The following HIBCH variants were observed in gnomAD, a reference collection of about 807,000 sequenced individuals.
The protein encoded by HIBCH is 3-hydroxyisobutyryl-CoA hydrolase, mitochondrial.
In HIBCH, 50 loss-of-function variants were observed where a neutral mutation model predicts 58.2. That is an observed-to-expected ratio of 0.86 (90% CI 0.68 to 1.09). The LOEUF (loss-of-function observed/expected upper bound fraction) is 1.09, where lower values mean the gene tolerates loss of function less well. Ranked by LOEUF, HIBCH falls within the 50% of genes least tolerant of loss-of-function variation. The pLI is 0.00. For missense variants in HIBCH, 450 were observed against 449.7 expected, an observed-to-expected ratio of 1.00 and a Z score of -0.01; for synonymous variants, 151 against 146.9, an observed-to-expected ratio of 1.03 and a Z score of -0.20.
intron 1 of HIBCH, among the ~76,000 whole-genome samples, chr2:190,191,743 A>G (rs372196694): frequency 9.2e-5 from 14 of 152,192 alleles, no homozygotes; most frequent in Admixed American, 1.3e-4. Flanking sequence ...TCATGTACTT[A>G]TATTTGCTAT....
chr2:190,297,069 A>G, intron 2 of HIBCH, 116 bp from the exon 3 acceptor site: 1 of 918,408 alleles, frequency 1.1e-6, no homozygotes, highest in Non-Finnish European at 1.7e-6. Context: ...TAAAGGAAAG[A>G]ATAACTAGGT....
At chr2:190,318,718 C>A (rs1688769417) in intron 1 of HIBCH, among the ~76,000 whole-genome samples, 1 of 152,180 alleles carries the variant, frequency 6.6e-6, no homozygotes, top group South Asian at 2.1e-4. Flanking sequence ...GCTGACAACA[C>A]TGAAAAAGCG....
At chr2:190,194,192 T>G (rs939101712) in intron 1 of HIBCH, among the ~76,000 whole-genome samples, 7 of 152,190 alleles carry the variant, frequency 4.6e-5, no homozygotes, top group Admixed American at 2.6e-4. Context: ...ATGTTCCATA[T>G]GCACTTGATA....
At chr2:190,287,046 G>GTA (rs1687847869) in intron 6 of HIBCH, among the ~76,000 whole-genome samples, 1 of 146,112 alleles carries the variant, frequency 6.8e-6, no homozygotes, top group East Asian at 1.9e-4. Context: ...GTGTGTGTGT[G>GTA]TGTGTGTGTG....
At chr2:190,199,701 A>G, downstream of HIBCH, 3 of 1,447,126 alleles carry the variant, frequency 2.1e-6, no homozygotes, top group South Asian at 4.5e-5. Context: ...TGACAGGTAA[A>G]CACTACACGT....
At chr2:190,193,284 G>A (rs990901314) in intron 1 of HIBCH, among the ~76,000 whole-genome samples, 2 of 151,672 alleles carry the variant, frequency 1.3e-5, no homozygotes, top group African/African-American at 4.8e-5. Flanking sequence ...TTGAATTTCT[G>A]GTATAAATCC....
intron 4 of HIBCH, among the ~76,000 whole-genome samples, chr2:190,294,037 T>TATA (rs1688039006): frequency 5.5e-5 from 8 of 146,612 alleles, no homozygotes; most frequent in Non-Finnish European, 1.0e-4. Flanking sequence ...TATATATATA[T>TATA]ATATATATAT....
intron 4 of HIBCH, 126 bp downstream of exon 4, chr2:190,294,420 G>T (rs1688050795): frequency 8.7e-6 from 6 of 689,910 alleles, no homozygotes; most frequent in South Asian, 8.6e-5. Flanking sequence ...TCCTAAGAAT[G>T]TATTAACTTT....
chr2:190,220,978 T>A (rs1217246663), intron 11 of HIBCH, among the ~76,000 whole-genome samples: 1 of 152,204 alleles, frequency 6.6e-6, no homozygotes, highest in Admixed American at 6.5e-5. Flanking sequence ...ACTTTCTATG[T>A]AACCTGGATT....
intron 4 of HIBCH, among the ~76,000 whole-genome samples, chr2:190,290,791 T>C (rs1451871015): frequency 6.6e-6 from 1 of 152,110 alleles, no homozygotes; most frequent in Admixed American, 6.5e-5. Flanking sequence ...AGAAACCAGG[T>C]GGGAGGATTC....
intron 6 of HIBCH, among the ~76,000 whole-genome samples, chr2:190,263,828 T>C (rs1321967939): frequency 1.3e-5 from 2 of 152,146 alleles, no homozygotes; most frequent in African/African-American, 4.8e-5. Flanking sequence ...CTATGAACTA[T>C]CCTGAGAGCT....
At chr2:190,193,292 T>C (rs1689804072) in intron 1 of HIBCH, among the ~76,000 whole-genome samples, 1 of 152,180 alleles carries the variant, frequency 6.6e-6, no homozygotes, top group South Asian at 2.1e-4. Flanking sequence ...CTGGTATAAA[T>C]CCACTCAGTC....
chr2:190,287,027 C>CATGTGTGTGTGT (rs1553504916), intron 6 of HIBCH, among the ~76,000 whole-genome samples: 1 of 142,114 alleles, frequency 7.0e-6, no homozygotes, highest in Non-Finnish European at 1.5e-5. Context: ...TAGCATATAA[C>CATGTGTGTGTGT]GTGTGTGTGT....
chr2:190,191,814 G>T (rs934985148), intron 1 of HIBCH, among the ~76,000 whole-genome samples: 3 of 152,058 alleles, frequency 2.0e-5, no homozygotes, highest in Non-Finnish European at 4.4e-5. Flanking sequence ...AAACTGGGTT[G>T]TTGTCTTGCT....
intron 11 of HIBCH, among the ~76,000 whole-genome samples, chr2:190,223,629 A>G (rs184861200): frequency 3.9e-5 from 6 of 152,360 alleles, no homozygotes; most frequent in Admixed American, 1.3e-4. Context: ...AAATTAATAT[A>G]ATTAGTTCTT....
Position 190,291,417 on chromosome 2 carries a change from T to C in HIBCH, c.305-932A>G, listed in dbSNP as rs145713390. Among the ~76,000 whole-genome samples, 642 of 152,208 alleles carry C rather than the reference T, an allele frequency of 4.2e-3. 2 individuals are homozygous for C. Among genetic ancestry groups the C allele is most frequent in the African/African-American group, 0.015 (610 of 41,494 alleles). ...CTAGAAGAGGTAACCCTAAGCCAAG[T>C]TGGAAAAGGTAAATAGGAATTTCCT... On this transcript the variant is annotated intron_variant, in intron 4 of 13. Coordinates refer to ENST00000359678, the MANE Select transcript of HIBCH (RefSeq NM_014362.4).
chr2:190,263,935 T>C (rs988889776), intron 6 of HIBCH, among the ~76,000 whole-genome samples: 4 of 152,130 alleles, frequency 2.6e-5, no homozygotes, highest in Non-Finnish European at 5.9e-5. Flanking sequence ...GAGCTCTAAC[T>C]TAAAAATATA....
At chr2:190,285,123 C>T (rs1461558923) in intron 6 of HIBCH, among the ~76,000 whole-genome samples, 2 of 152,312 alleles carry the variant, frequency 1.3e-5, no homozygotes, top group African/African-American at 4.8e-5. Flanking sequence ...TCTTTCTAAT[C>T]TACTGCCATT....
rs1360507573 is a variant in HIBCH at position 190,243,993 on chromosome 2, A to G, written c.891+894T>C. 6.6e-6 allele frequency among the ~76,000 whole-genome samples: 1 copy of G among 152,156 alleles called. No individual in the cohort carries two copies. The highest frequency in any genetic ancestry group is 1.5e-5 in the Non-Finnish European group (1 of 68,016). Reference sequence around the variant, plus strand: ...TCAAAAAAACGAAAACAAAAAAAATACAGTGACAATGGAGGAAATGTTTTC... The same window carrying G: ...TCAAAAAAACGAAAACAAAAAAAATGCAGTGACAATGGAGGAAATGTTTTC... On this transcript the variant is annotated intron_variant, in intron 11 of 13. Coordinates refer to ENST00000359678, the MANE Select transcript of HIBCH (RefSeq NM_014362.4). This position sits in a 1 kb window ranked among gnomAD's most constrained non-coding sequence, Gnocchi z 4.1.
Sources: allele counts gnomAD v4.1 joint callset (sites outside exome capture counted in the v4.1 genomes callset), GRCh38; gene constraint gnomAD v4.1.1; non-coding constraint Gnocchi (gnomAD v3.1); transcripts MANE v1.5; gene names NCBI Gene and HGNC (gene_info 2026-07-23, HGNC 2026-07-21).